The following SLURP1 variants were observed in gnomAD, a reference collection of about 807,000 sequenced individuals.
SLURP1 encodes the protein secreted Ly-6/uPAR-related protein 1.
A neutral mutation model predicts 7.9 loss-of-function variants in SLURP1; 2 were observed. The observed-to-expected ratio is 0.25, with a 90% CI of 0.10 to 0.79. SLURP1 has a LOEUF of 0.79. Ranked by LOEUF, SLURP1 falls within the 30% of genes least tolerant of loss-of-function variation. The pLI, the probability that SLURP1 is intolerant of heterozygous loss-of-function variation, is 0.69. For synonymous variants in SLURP1, 59 were observed against 54.9 expected (o/e 1.07, Z -0.33); for missense variants, 111 against 139.8 (o/e 0.79, Z 1.04).
At position 142,741,229 on chromosome 8, in the gene SLURP1, AG is replaced by A. The variant is rs1178690498; in HGVS notation, c.225del (p.Ser76ProfsTer15). ...CTGTCGGGGTCGGTGGCCACACAGG[AG>A]CTGGAGCAGGAGCGGGTCACCACGG... ...QSPVVTRSCS[S>X]SCVATDPDSI... is the part of the protein sequence containing the mutation. On this transcript the variant is annotated frameshift_variant, in exon 3 of 3. Transcript: ENST00000246515. LOFTEE classifies it low-confidence loss of function (END_TRUNC). This position sits in a 1 kb window ranked among gnomAD's most constrained non-coding sequence, Gnocchi z 4.3. The A allele has an allele frequency of 1.2e-6, 2 of 1,610,128 alleles. No individual in the cohort carries two copies. The highest frequency in any genetic ancestry group is 3.3e-5 in the Admixed American group (2 of 59,950).
chr8:142,741,127 C>T lies in SLURP1; in HGVS notation c.*16G>A, dbSNP rs1244906201. 2 of 1,602,022 alleles carry T rather than the reference C, an allele frequency of 1.2e-6. No individual in the cohort carries two copies. The highest frequency in any genetic ancestry group is 1.1e-5 in the South Asian group (1 of 91,076). ...GGAGGTGCCTGAGGAGCACCTTCCG[C>T]CCTGCCGCCCTGGGTTCAGAGTTCC... On this transcript the variant is annotated 3_prime_UTR_variant, in exon 3 of 3. Coordinates refer to ENST00000246515, the MANE Select transcript of SLURP1 (RefSeq NM_020427.3). The surrounding 1 kb of genome is among the most constrained non-coding windows in gnomAD (Gnocchi z 4.3).
In SLURP1 at chr8:142,741,240, G is replaced by A. The variant is rs868311300; in HGVS notation, c.215C>T (p.Ser72Phe). 1 of 1,609,240 alleles carries A rather than the reference G, an allele frequency of 6.2e-7. No homozygotes were observed. The highest frequency in any genetic ancestry group is 8.5e-7 in the Non-Finnish European group (1 of 1,179,400). The change falls in exon 3 of 3, where the codon TCC (serine) becomes TTC (phenylalanine). Residue 72 changes from serine (S) to phenylalanine (F), a missense_variant. Physicochemically the swap from Ser to Phe is radical, Grantham distance 155 (BLOSUM62 -2). Transcript: ENST00000246515. This position sits in a 1 kb window ranked among gnomAD's most constrained non-coding sequence, Gnocchi z 4.3. Reference protein sequence around the residue: ...PFNQSPVVTRSCSSSCVATDP... With the variant: ...PFNQSPVVTRFCSSSCVATDP... ...GGTGGCCACACAGGAGCTGGAGCAG[G>A]AGCGGGTCACCACGGGGCTCTGGTT... is the stretch of plus-strand genomic sequence containing the variant.
chr8:142,741,797 C>A lies in SLURP1; in HGVS notation c.178+6G>T, dbSNP rs775782017. The A allele has an allele frequency of 3.1e-6, 5 of 1,610,696 alleles. No homozygotes were observed. The highest frequency in any genetic ancestry group is 3.3e-5 in the Admixed American group (2 of 60,002). The stretch of plus-strand genomic sequence containing the variant: ...CACCCAGGGCTGCCGTGGGGCCTGG[C>A]CTCACCTGCCTCCACCGTCACCAGC... On this transcript the variant is annotated splice_donor_region_variant and intron_variant, in intron 2 of 2. Coordinates refer to ENST00000246515, the MANE Select transcript of SLURP1 (RefSeq NM_020427.3). This position sits in a 1 kb window ranked among gnomAD's most constrained non-coding sequence, Gnocchi z 4.3.
At position 142,742,348 on chromosome 8, in the gene SLURP1, G is replaced by A. The variant is rs1391086413; in HGVS notation, c.38C>T (p.Ala13Val). Residue 13 changes from alanine (A) to valine (V), a missense_variant, in exon 1 of 3, where the codon GCA becomes GTA. Coordinates refer to ENST00000246515, the MANE Select transcript of SLURP1 (RefSeq NM_020427.3). Reference protein sequence around the residue: ...SRWAVQLLLVAAWSMGCGEAL... With the variant: ...SRWAVQLLLVVAWSMGCGEAL... ...CTCACCACAGCCCATGCTCCAGGCTGCCACGAGCAGCAGCTGCACAGCCCA... is the reference window on the plus strand; with the variant it reads ...CTCACCACAGCCCATGCTCCAGGCTACCACGAGCAGCAGCTGCACAGCCCA... The A allele has an allele frequency of 1.9e-6, 3 of 1,612,882 alleles. No homozygotes were observed. Among genetic ancestry groups the A allele is most frequent in the Non-Finnish European group, 2.5e-6 (3 of 1,180,036 alleles).
rs1208100671 is a variant in SLURP1, at chr8:142,741,443, G to C, written c.179-167C>G. The stretch of plus-strand genomic sequence containing the variant: ...CCCAGCCCTCCTCTGACTGTGACCT[G>C]TTCATGAATTATTAGGCCTTGTCAG... On this transcript the variant is annotated intron_variant, in intron 2 of 2. Transcript: ENST00000246515. This position sits in a 1 kb window ranked among gnomAD's most constrained non-coding sequence, Gnocchi z 4.3. Among the ~76,000 whole-genome samples, 4 of 152,174 alleles carry C rather than the reference G, an allele frequency of 2.6e-5. No homozygotes were observed. The highest frequency in any genetic ancestry group is 9.7e-5 in the African/African-American group (4 of 41,442).
At position 142,741,690 on chromosome 8, in the gene SLURP1, C is replaced by T; in HGVS notation, c.178+113G>A. 1 of 1,539,480 alleles carries T rather than the reference C, an allele frequency of 6.5e-7. No homozygotes were observed. The highest frequency in any genetic ancestry group is 8.8e-7 in the Non-Finnish European group (1 of 1,132,982). On this transcript the variant is annotated intron_variant, in intron 2 of 2. Coordinates refer to ENST00000246515, the MANE Select transcript of SLURP1 (RefSeq NM_020427.3). The surrounding 1 kb of genome is among the most constrained non-coding windows in gnomAD (Gnocchi z 4.3). ...CCAAGGTGTGGCAGCCTGTTCTGCC[C>T]ATCCCACCTGCTGCCTTTTGGGCCG...
intron 1 of SLURP1, 133 bp from the exon 2 acceptor site, chr8:142,742,055 G>A: frequency 7.0e-7 from 1 of 1,422,408 alleles, no homozygotes. Flanking sequence ...GGCCTCTCTG[G>A]CAGCTTTCTC....
At position 142,741,132 on chromosome 8, in the gene SLURP1, C is replaced by T; in HGVS notation, c.*11G>A. 1 of 1,602,814 alleles carries T rather than the reference C, an allele frequency of 6.2e-7. No individual in the cohort carries two copies. The highest frequency in any genetic ancestry group is 8.5e-7 in the Non-Finnish European group (1 of 1,179,900). On this transcript the variant is annotated 3_prime_UTR_variant, in exon 3 of 3. Transcript: ENST00000246515. This position sits in a 1 kb window ranked among gnomAD's most constrained non-coding sequence, Gnocchi z 4.3. ...TGCCTGAGGAGCACCTTCCGCCCTG[C>T]CGCCCTGGGTTCAGAGTTCCGAGTT... is the stretch of plus-strand genomic sequence containing the variant.
In SLURP1 at chr8:142,741,066, G is replaced by A; in HGVS notation, c.*77C>T. On this transcript the variant is annotated 3_prime_UTR_variant, in exon 3 of 3. Transcript: ENST00000246515. The surrounding 1 kb of genome is among the most constrained non-coding windows in gnomAD (Gnocchi z 4.3). The stretch of plus-strand genomic sequence containing the variant: ...GTGCCACAGCAGCAGGAAGCAGGGG[G>A]AGGTGATCACAGGTGGAGCCAGGCC... The A allele has an allele frequency of 2.5e-6, 4 of 1,587,896 alleles. No individual in the cohort carries two copies. The highest frequency in any genetic ancestry group is 1.7e-4 in the Middle Eastern group (1 of 5,870).
rs1211645096 is a variant in SLURP1 at position 142,741,794 on chromosome 8, T to C, written c.178+9A>G. Reference sequence around the variant, plus strand: ...GTGCACCCAGGGCTGCCGTGGGGCCTGGCCTCACCTGCCTCCACCGTCACC... The same window carrying C: ...GTGCACCCAGGGCTGCCGTGGGGCCCGGCCTCACCTGCCTCCACCGTCACC... On this transcript the variant is annotated intron_variant, in intron 2 of 2. Transcript: ENST00000246515. The surrounding 1 kb of genome is among the most constrained non-coding windows in gnomAD (Gnocchi z 4.3). 6.2e-7 allele frequency: 1 copy of C among 1,610,450 alleles called. No individual in the cohort carries two copies. The highest frequency in any genetic ancestry group is 2.2e-5 in the East Asian group (1 of 44,896).
rs1815871705 is a variant in SLURP1 at position 142,741,729 on chromosome 8, CA to C, written c.178+73del. On this transcript the variant is annotated intron_variant, in intron 2 of 2. Coordinates refer to ENST00000246515, the MANE Select transcript of SLURP1 (RefSeq NM_020427.3). This position sits in a 1 kb window ranked among gnomAD's most constrained non-coding sequence, Gnocchi z 4.3. Reference sequence around the variant, plus strand: ...CCTTTTGGGCCGGGAGGAGCACCAGCAAAGGAGGGAGGCACTTGGGGGAGGT... The same window carrying C: ...CCTTTTGGGCCGGGAGGAGCACCAGCAAGGAGGGAGGCACTTGGGGGAGGT... The C allele has an allele frequency of 6.3e-7, 1 of 1,597,780 alleles. No individual in the cohort carries two copies. The highest frequency in any genetic ancestry group is 8.5e-7 in the Non-Finnish European group (1 of 1,178,662).
rs1326666669 is a variant in SLURP1 at position 142,741,960 on chromosome 8, C to T, written c.59-38G>A. ...TGGGGGCAGAACCTCATCACCTGAC[C>T]TCGGTGGCCTCATCCTGGAACCAGG... On this transcript the variant is annotated intron_variant, in intron 1 of 2. Coordinates refer to ENST00000246515, the MANE Select transcript of SLURP1 (RefSeq NM_020427.3). The surrounding 1 kb of genome is among the most constrained non-coding windows in gnomAD (Gnocchi z 4.3). The T allele has an allele frequency of 6.2e-7, 1 of 1,606,514 alleles. No individual in the cohort carries two copies. The highest frequency in any genetic ancestry group is 8.5e-7 in the Non-Finnish European group (1 of 1,179,758).
In SLURP1 at chr8:142,741,017, C is replaced by G. The variant is rs1348103681; in HGVS notation, c.*126G>C. ...GAGGGCGCCCCTGGTGTGCTTCTCT[C>G]CCCTCAGACCCCATGAGTGAGCTGT... On this transcript the variant is annotated 3_prime_UTR_variant, in exon 3 of 3. Transcript: ENST00000246515. This position sits in a 1 kb window ranked among gnomAD's most constrained non-coding sequence, Gnocchi z 4.3. 4.9e-6 allele frequency: 7 copies of G among 1,422,604 alleles called. No individual in the cohort carries two copies. In the African/African-American group the frequency reaches 8.4e-5, roughly 17 times the overall value. The allele number at this position is 1,422,604 out of a possible 1,614,324, so 88.1% of individuals were successfully genotyped here.
rs868859309 is a variant in SLURP1, at chr8:142,741,955, C to T, written c.59-33G>A. 2 of 1,607,930 alleles carry T rather than the reference C, an allele frequency of 1.2e-6. No homozygotes were observed. Among genetic ancestry groups the T allele is most frequent in the Middle Eastern group, 1.6e-4 (1 of 6,062 alleles). ...AGGGATGGGGGCAGAACCTCATCAC[C>T]TGACCTCGGTGGCCTCATCCTGGAA... On this transcript the variant is annotated intron_variant, in intron 1 of 2. Coordinates refer to ENST00000246515, the MANE Select transcript of SLURP1 (RefSeq NM_020427.3). This position sits in a 1 kb window ranked among gnomAD's most constrained non-coding sequence, Gnocchi z 4.3.
chr8:142,741,226 A>G lies in SLURP1; in HGVS notation c.229T>C (p.Cys77Arg), dbSNP rs121908319. 1 of 1,610,256 alleles carries G rather than the reference A, an allele frequency of 6.2e-7. No homozygotes were observed. Among genetic ancestry groups the G allele is most frequent in the Admixed American group, 1.7e-5 (1 of 59,968 alleles). Residue 77 changes from cysteine to arginine, a missense_variant, in exon 3 of 3, where the codon TGT becomes CGT. Cys to Arg is a radical substitution (Grantham distance 180). Coordinates refer to ENST00000246515, the MANE Select transcript of SLURP1 (RefSeq NM_020427.3). The surrounding 1 kb of genome is among the most constrained non-coding windows in gnomAD (Gnocchi z 4.3). ...ATGCTGTCGGGGTCGGTGGCCACAC[A>G]GGAGCTGGAGCAGGAGCGGGTCACC... is the stretch of plus-strand genomic sequence containing the variant. ...PVVTRSCSSS[C>R]VATDPDSIGA... is the part of the protein sequence containing the mutation.
At position 142,741,373 on chromosome 8, in the gene SLURP1, G is replaced by A; in HGVS notation, c.179-97C>T. On this transcript the variant is annotated intron_variant, in intron 2 of 2. Coordinates refer to ENST00000246515, the MANE Select transcript of SLURP1 (RefSeq NM_020427.3). This position sits in a 1 kb window ranked among gnomAD's most constrained non-coding sequence, Gnocchi z 4.3. ...GCCGTCGCCTGACCTCACCCTCCCT[G>A]TGATCCCTGTTCCCAATAGTCCACA... 1.4e-6 allele frequency: 2 copies of A among 1,465,368 alleles called. No homozygotes were observed. Among genetic ancestry groups the A allele is most frequent in the Non-Finnish European group, 1.8e-6 (2 of 1,098,382 alleles). The allele number at this position is 1,465,368 out of a possible 1,614,324, so 90.8% of individuals were successfully genotyped here.
rs188790114 is a variant in SLURP1, at chr8:142,742,266, C to A, written c.58+62G>T. The A allele has an allele frequency of 7.7e-5, 119 of 1,549,586 alleles. No homozygotes were observed. In the South Asian group the frequency reaches 9.0e-4, roughly 12 times the overall value. ...ACAAAGCACCCCCAACAGCCCCATC[C>A]CCCTAGGAGGTGGGCAGACAAGCTC... On this transcript the variant is annotated intron_variant, in intron 1 of 2. Transcript: ENST00000246515.
Position 142,741,988 on chromosome 8 carries a change from G to A in SLURP1, c.59-66C>T. On this transcript the variant is annotated intron_variant, in intron 1 of 2. Transcript: ENST00000246515. This position sits in a 1 kb window ranked among gnomAD's most constrained non-coding sequence, Gnocchi z 4.3. ...GGTGGCCTCATCCTGGAACCAGGAG[G>A]CAGGGGCTGAAGGAGTCTCGCTGAC... 1 of 1,599,370 alleles carries A rather than the reference G, an allele frequency of 6.3e-7. No homozygotes were observed. The highest frequency in any genetic ancestry group is 8.5e-7 in the Non-Finnish European group (1 of 1,178,456).
At chr8:142,742,220 G>T in intron 1 of SLURP1, 108 bp downstream of exon 1, 1 of 1,218,864 alleles carries the variant, frequency 8.2e-7, no homozygotes, top group East Asian at 2.4e-5. Context: ...GCCTCATGGA[G>T]GCCTAAGGAG....
Sources: gnomAD v4.1 joint callset for allele counts (sites outside exome capture counted in the v4.1 genomes callset) on GRCh38, gnomAD v4.1.1 for gene constraint, Gnocchi (gnomAD v3.1) non-coding constraint, MANE v1.5 for transcripts, NCBI Gene and HGNC (gene_info 2026-07-23, HGNC 2026-07-21) for gene names.